The following PZP variants were observed in gnomAD, a reference collection of about 807,000 sequenced individuals.
PZP encodes the protein PZP alpha-2-macroglobulin like.
PZP carries 150 observed loss-of-function variants against 179.8 expected under a neutral mutation model. That is an observed-to-expected ratio of 0.83 (90% confidence interval 0.73 to 0.96). PZP has a LOEUF of 0.96. Among genes scored for constraint, PZP ranks in the 40% least tolerant of loss-of-function variants. The pLI is 0.00. For synonymous variants in PZP, 624 were observed against 652.3 expected (o/e 0.96, Z 0.66); for missense variants, 1,689 against 1,764.0 (o/e 0.96, Z 0.76).
the PZP span, among the ~76,000 whole-genome samples, chr12:9,138,067 G>GGCA: frequency 4.6e-5 from 7 of 151,976 alleles, no homozygotes; most frequent in Non-Finnish European, 2.9e-5. Context: ...GAATAAAAGT[G>GGCA]GCAAGAGTGG....
At chr12:9,159,808 ATT>A in intron 25 of PZP, 128 bp downstream of exon 25, 1 of 812,632 alleles carries the variant, frequency 1.2e-6, no homozygotes, top group Non-Finnish European at 1.9e-6. Context: ...TAAGAAATAA[ATT>A]TCTTTTCTTT....
At chr12:9,195,272 G>T (rs1943703416) in intron 10 of PZP, among the ~76,000 whole-genome samples, 1 of 151,870 alleles carries the variant, frequency 6.6e-6, no homozygotes, top group African/African-American at 2.4e-5. Flanking sequence ...GAAGATATTT[G>T]GTGTACGATA....
chr12:9,186,856 G>T (rs1017291755), intron 13 of PZP, among the ~76,000 whole-genome samples: 4 of 149,802 alleles, frequency 2.7e-5, no homozygotes, highest in Non-Finnish European at 3.0e-5. Context: ...TGTCGGGGGT[G>T]GGGGGCTGGG....
intron 1 of PZP, among the ~76,000 whole-genome samples, chr12:9,204,350 C>T (rs1371636115): frequency 6.6e-6 from 1 of 152,142 alleles, no homozygotes; most frequent in African/African-American, 2.4e-5. Flanking sequence ...AGTGATTATT[C>T]ATTGTAAAAA....
rs779390341 is a variant in PZP at position 9,159,966 on chromosome 12, G to A, written c.3109C>T (p.Arg1037Ter). Reference protein sequence around the residue: ...QDGSYSTFGERYGRNQGNTWL... With the variant: ...QDGSYSTFGE ...GTGTTGCCCTGGTTCCTGCCATATC[G>A]TTCCCCAAAGGTGCTGTAGGAGCCA... Residue 1037 changes from arginine (R) to a stop codon, truncating the protein, a stop_gained, in exon 25 of 36, where the codon CGA (arginine) becomes TGA (stop). Transcript: ENST00000261336. LOFTEE classifies it high-confidence loss of function. The A allele has an allele frequency of 1.2e-5, 19 of 1,613,472 alleles. No individual in the cohort carries two copies. Among genetic ancestry groups the A allele is most frequent in the South Asian group, 4.4e-5 (4 of 91,066 alleles).
At chr12:9,164,302 G>A (rs1228662787) in intron 19 of PZP, 43 bp from the exon 20 acceptor site, 1 of 1,589,188 alleles carries the variant, frequency 6.3e-7, no homozygotes, top group Non-Finnish European at 8.6e-7. Context: ...ATCAGAATAT[G>A]GAACGACACG....
intron 26 of PZP, 56 bp from the exon 27 acceptor site, chr12:9,157,897 T>G: frequency 1.2e-4 from 169 of 1,412,888 alleles, no homozygotes; most frequent in Non-Finnish European, 1.5e-4. Flanking sequence ...GTATATTCTC[T>G]TCTGTTGTTT....
At chr12:9,155,431 T>C (rs1205865463) in intron 28 of PZP, among the ~76,000 whole-genome samples, 1 of 152,194 alleles carries the variant, frequency 6.6e-6, no homozygotes, top group African/African-American at 2.4e-5. Context: ...AGCATGTTCT[T>C]TCCTGCTAAT....
intron 13 of PZP, among the ~76,000 whole-genome samples, chr12:9,189,522 C>T (rs1012617851): frequency 1.2e-4 from 19 of 152,104 alleles, no homozygotes; most frequent in Non-Finnish European, 2.6e-4. Context: ...AATGTAAAAC[C>T]AAAAAGTATA....
chr12:9,157,650 A>G, intron 27 of PZP, 117 bp downstream of exon 27: 1 of 921,134 alleles, frequency 1.1e-6, no homozygotes, highest in Non-Finnish European at 1.7e-6. Context: ...TATCAGTCTG[A>G]GAAATCCCTC....
Position 9,152,205 on chromosome 12 carries a change from T to A in PZP, c.4212+15A>T. On this transcript the variant is annotated intron_variant, in intron 32 of 35. Coordinates refer to ENST00000261336, the MANE Select transcript of PZP (RefSeq NM_002864.3). ...TACTTTTGTATGAAGTCTATTAGGA[T>A]TAAAATACACCTACCATTTTTACTG... The A allele has an allele frequency of 1.3e-6, 2 of 1,555,014 alleles. No homozygotes were observed. The highest frequency in any genetic ancestry group is 1.8e-6 in the Non-Finnish European group (2 of 1,126,452).
chr12:9,140,244 T>C, the PZP span, among the ~76,000 whole-genome samples: 422 of 152,318 alleles, frequency 2.8e-3, 2 homozygotes, highest in African/African-American at 9.5e-3. Context: ...GGTAAGAACA[T>C]TAGTCCTAGG....
chr12:9,158,627 C>T (rs748754359), intron 25 of PZP, 51 bp from the exon 26 acceptor site: 2 of 1,587,396 alleles, frequency 1.3e-6, no homozygotes, highest in East Asian at 4.5e-5. Flanking sequence ...GAGCACTTTA[C>T]TGCTCTGTTT....
chr12:9,160,125 C>T, intron 24 of PZP, 100 bp from the exon 25 acceptor site: 2 of 1,241,736 alleles, frequency 1.6e-6, no homozygotes, highest in African/African-American at 3.0e-5. Context: ...CATTTTATGA[C>T]CTTCTGTGAT....
At chr12:9,169,331 G>T in intron 16 of PZP, 99 bp downstream of exon 16, 1 of 1,178,686 alleles carries the variant, frequency 8.5e-7, no homozygotes, top group Non-Finnish European at 1.2e-6. Context: ...AAATGGAGAG[G>T]CAAGGCTACA....
At position 9,153,153 on chromosome 12, in the gene PZP, A is replaced by T. The variant is rs1832299514; in HGVS notation, c.3965T>A (p.Val1322Glu). Residue 1322 changes from valine to glutamate, a missense_variant, in exon 30 of 36, where the codon GTA becomes GAA. Physicochemically the swap from Val to Glu is moderately radical, Grantham distance 121 (BLOSUM62 -2). Transcript: ENST00000261336. ...AAGATACACACATCTTTCCCCAGTT[A>T]CTGTTATGACATATTCTCCAGGGAG... ...PELPGEYVIT[V>E]TGERCVYLQT... 2.5e-6 allele frequency: 4 copies of T among 1,614,014 alleles called. No individual in the cohort carries two copies. The South Asian group carries it at 4.4e-5, about 18-fold the overall frequency.
chr12:9,149,963 C>G (rs1242095029), intron 34 of PZP, among the ~76,000 whole-genome samples: 2 of 152,168 alleles, frequency 1.3e-5, no homozygotes, highest in Non-Finnish European at 2.9e-5. Flanking sequence ...GCTTGAAACA[C>G]TCCTCCTACT....
intron 15 of PZP, among the ~76,000 whole-genome samples, chr12:9,172,333 C>T (rs1053307778): frequency 6.6e-6 from 1 of 152,154 alleles, no homozygotes; most frequent in African/African-American, 2.4e-5. Flanking sequence ...GCAAGAGCTC[C>T]TGAAGAAAGC....
intron 34 of PZP, among the ~76,000 whole-genome samples, chr12:9,150,292 C>CT (rs923648414): frequency 3.6e-4 from 54 of 151,770 alleles, no homozygotes; most frequent in Middle Eastern, 3.4e-3. Flanking sequence ...GTTGTTTTTT[C>CT]TTTTTTTTGA....
Sources: gnomAD v4.1 joint callset for allele counts (sites outside exome capture counted in the v4.1 genomes callset) on GRCh38, gnomAD v4.1.1 for gene constraint, MANE v1.5 for transcripts, NCBI Gene and HGNC (gene_info 2026-07-23, HGNC 2026-07-21) for gene names.